Variants in ZFYVE28 observed in about 807,000 individuals in gnomAD.
ZFYVE28 encodes the protein lateral signaling target protein 2 homolog.
In ZFYVE28, 40 loss-of-function variants were observed where a neutral mutation model predicts 82.1. The ratio of observed to expected loss-of-function variants is 0.49; its 90% CI spans 0.38 to 0.63. The LOEUF (loss-of-function observed/expected upper bound fraction) is 0.63, where lower values mean the gene tolerates loss of function less well. Ranked by LOEUF, ZFYVE28 falls within the 30% of genes least tolerant of loss-of-function variation. The pLI is 0.00. For missense variants in ZFYVE28, 1,321 were observed against 1,242.1 expected, an observed-to-expected ratio of 1.06 and a Z score of -0.96; for synonymous variants, 612 against 546.1, an observed-to-expected ratio of 1.12 and a Z score of -1.68.
intron 1 of ZFYVE28, among the ~76,000 whole-genome samples, chr4:2,366,459 G>A (rs908101147): frequency 6.6e-6 from 1 of 152,180 alleles, no homozygotes; most frequent in African/African-American, 2.4e-5. Context: ...TGCACCTGCT[G>A]TCTCACCAAG....
rs115532014 is a variant in ZFYVE28, at chr4:2,368,316, C to T, written c.40-14243G>A. 9.0e-3 allele frequency among the ~76,000 whole-genome samples: 1,360 copies of T among 151,754 alleles called. 17 individuals carry two copies. The highest frequency in any genetic ancestry group is 0.031 in the African/African-American group (1,272 of 41,346). ...ACTCAGGAGGCTGAAGCGGGAAGAT[C>T]GCTTGAGCCCGGGAGGTGGAAGTTA... is the stretch of plus-strand genomic sequence containing the variant. On this transcript the variant is annotated intron_variant, in intron 1 of 12. Transcript: ENST00000290974.
chr4:2,328,121 A>G (rs900723803), intron 6 of ZFYVE28, among the ~76,000 whole-genome samples: 1 of 152,236 alleles, frequency 6.6e-6, no homozygotes. Context: ...TGTTCATTGC[A>G]GCATTATTCA....
chr4:2,319,388 A>G (rs1578067629), intron 7 of ZFYVE28, among the ~76,000 whole-genome samples: 1 of 152,102 alleles, frequency 6.6e-6, no homozygotes, highest in South Asian at 2.1e-4. Context: ...TCACAACCCC[A>G]TCTGCAAGGG....
At position 2,341,795 on chromosome 4, in the gene ZFYVE28, G is replaced by A. The variant is rs1722858954; in HGVS notation, c.181-180C>T. Reference sequence around the variant, plus strand: ...AGCACTTTGGGAGGCCGAGGCGGGTGGTTTACCTGAGGTTAGGAGTTTGAG... The same window carrying A: ...AGCACTTTGGGAGGCCGAGGCGGGTAGTTTACCTGAGGTTAGGAGTTTGAG... On this transcript the variant is annotated intron_variant, in intron 2 of 12. Coordinates refer to ENST00000290974, the MANE Select transcript of ZFYVE28 (RefSeq NM_020972.3). This position sits in a 1 kb window ranked among gnomAD's most constrained non-coding sequence, Gnocchi z 4.5. 6.6e-6 allele frequency among the ~76,000 whole-genome samples: 1 copy of A among 152,192 alleles called. No homozygotes were observed. Among genetic ancestry groups the A allele is most frequent in the African/African-American group, 2.4e-5 (1 of 41,452 alleles).
Position 2,358,796 on chromosome 4 carries a change from A to G in ZFYVE28, c.40-4723T>C, listed in dbSNP as rs147749422. Among the ~76,000 whole-genome samples, 53 of 151,962 alleles carry G rather than the reference A, an allele frequency of 3.5e-4. 2 individuals carry two copies. The East Asian group carries it at 0.01, about 29-fold the overall frequency. ...TCAGAATGTGACTGTGTTTGGAAAC[A>G]GTATCTCCCCCACTTTTTTTTTTGA... is the stretch of plus-strand genomic sequence containing the variant. On this transcript the variant is annotated intron_variant, in intron 1 of 12. Transcript: ENST00000290974.
intron 1 of ZFYVE28, among the ~76,000 whole-genome samples, chr4:2,355,984 C>A (rs937228290): frequency 1.4e-4 from 22 of 152,232 alleles, no homozygotes; most frequent in Admixed American, 3.9e-4. Context: ...CCGTGTTCCC[C>A]ACAGACTCCC....
intron 8 of ZFYVE28, among the ~76,000 whole-genome samples, chr4:2,276,134 G>A (rs952398582): frequency 6.6e-6 from 1 of 152,100 alleles, no homozygotes; most frequent in Non-Finnish European, 1.5e-5. Context: ...AGGGCAGCGG[G>A]CTGCGGCAGA....
chr4:2,285,138 C>T (rs893007904), intron 8 of ZFYVE28, among the ~76,000 whole-genome samples: 15 of 152,160 alleles, frequency 9.9e-5, no homozygotes, highest in Middle Eastern at 3.4e-3. Flanking sequence ...CAGAACCCCA[C>T]GTGGACTGAA....
intron 9 of ZFYVE28, among the ~76,000 whole-genome samples, chr4:2,273,801 C>A (rs1012774505): frequency 2.6e-5 from 4 of 152,184 alleles, no homozygotes; most frequent in African/African-American, 4.8e-5. Flanking sequence ...CCTGGCTCTT[C>A]TGCCCCCACC....
rs1425820499 is a variant in ZFYVE28, at chr4:2,341,564, C to G, written c.232G>C (p.Asp78His). The change falls in exon 3 of 13, where the codon GAC (aspartate) becomes CAC (histidine). Residue 78 changes from aspartate to histidine, a missense_variant. By Grantham distance (81) the Asp-to-His change is moderately conservative. Coordinates refer to ENST00000290974, the MANE Select transcript of ZFYVE28 (RefSeq NM_020972.3). The surrounding 1 kb of genome is among the most constrained non-coding windows in gnomAD (Gnocchi z 4.5). Reference protein sequence around the residue: ...NQIMDECIPQDRAPRDFCVKF... With the variant: ...NQIMDECIPQHRAPRDFCVKF... ...ACGCAGAAATCTCTGGGGGCGCGGT[C>G]CTGGGGGATGCACTCATCCATGATC... is the stretch of plus-strand genomic sequence containing the variant. 6.2e-7 allele frequency: 1 copy of G among 1,614,108 alleles called. No homozygotes were observed. Among genetic ancestry groups the G allele is most frequent in the African/African-American group, 1.3e-5 (1 of 75,070 alleles).
intron 4 of ZFYVE28, among the ~76,000 whole-genome samples, chr4:2,338,878 G>T (rs1204419901): frequency 6.6e-6 from 1 of 152,212 alleles, no homozygotes; most frequent in Non-Finnish European, 1.5e-5. Flanking sequence ...AGGCTGGAAT[G>T]CAGTGGCTGG....
chr4:2,338,506 T>C (rs1179669028), intron 4 of ZFYVE28, among the ~76,000 whole-genome samples: 1 of 152,148 alleles, frequency 6.6e-6, no homozygotes, highest in African/African-American at 2.4e-5. Flanking sequence ...GGCAGGAGAA[T>C]GGCTTGAACT....
chr4:2,392,051 G>A (rs936756691), intron 1 of ZFYVE28, among the ~76,000 whole-genome samples: 1 of 151,786 alleles, frequency 6.6e-6, no homozygotes, highest in African/African-American at 2.4e-5. Context: ...CTACTAGGGA[G>A]GCTGAGGCAG....
intron 8 of ZFYVE28, among the ~76,000 whole-genome samples, chr4:2,293,942 G>T (rs1714146177): frequency 6.6e-6 from 1 of 151,998 alleles, no homozygotes; most frequent in Non-Finnish European, 1.5e-5. Flanking sequence ...ATAAAACTTT[G>T]CTGAGATAAA....
At chr4:2,305,680 C>A in intron 7 of ZFYVE28, 144 bp from the exon 8 acceptor site, 1 of 1,001,954 alleles carries the variant, frequency 1.0e-6, no homozygotes, top group Non-Finnish European at 1.5e-6. Context: ...TCTCAAGGCA[C>A]CAGCACGTCT....
chr4:2,275,964 G>A (rs541834983), intron 8 of ZFYVE28, among the ~76,000 whole-genome samples: 2 of 152,300 alleles, frequency 1.3e-5, no homozygotes, highest in Admixed American at 6.5e-5. Context: ...AGGCGGAGGC[G>A]AGCCAGCCAC....
chr4:2,318,698 G>C (rs940228888), intron 7 of ZFYVE28, among the ~76,000 whole-genome samples: 74 of 152,260 alleles, frequency 4.9e-4, no homozygotes, highest in African/African-American at 1.6e-3. Flanking sequence ...CCATGGGTGA[G>C]GTTCCCACAT....
At chr4:2,312,497 G>A (rs554348756) in intron 7 of ZFYVE28, among the ~76,000 whole-genome samples, 6 of 152,300 alleles carry the variant, frequency 3.9e-5, no homozygotes, top group African/African-American at 1.4e-4. Context: ...GGGAGGCCGA[G>A]GCAGGTGGAT....
chr4:2,303,789 G>T (rs28612557), intron 8 of ZFYVE28, among the ~76,000 whole-genome samples: 1 of 152,146 alleles, frequency 6.6e-6, no homozygotes, highest in Non-Finnish European at 1.5e-5. Context: ...CCCAGTCTCC[G>T]CGCCCACGGC....
Sources: gnomAD v4.1 joint callset for allele counts (sites outside exome capture counted in the v4.1 genomes callset) on GRCh38, gnomAD v4.1.1 for gene constraint, Gnocchi (gnomAD v3.1) non-coding constraint, MANE v1.5 for transcripts, NCBI Gene and HGNC (gene_info 2026-07-23, HGNC 2026-07-21) for gene names.